CRYBG1: variants seen among roughly 807,000 people sequenced by gnomAD.
The protein encoded by CRYBG1 is crystallin beta-gamma domain containing 1.
CRYBG1 carries 139 observed loss-of-function variants against 189.2 expected under a neutral mutation model. The ratio of observed to expected loss-of-function variants is 0.73; its 90% CI spans 0.64 to 0.85. The LOEUF is 0.85. Among genes scored for constraint, CRYBG1 ranks in the 40% least tolerant of loss-of-function variants. CRYBG1 has a pLI of 0.00. For synonymous variants in CRYBG1, 1,023 were observed against 1,017.1 expected, an observed-to-expected ratio of 1.01 and a Z score of -0.11; for missense variants, 2,611 against 2,675.8, an observed-to-expected ratio of 0.98 and a Z score of 0.53.
intron 1 of CRYBG1, among the ~76,000 whole-genome samples, chr6:106,370,664 G>A (rs9486326): frequency 0.077 from 11,685 of 152,198 alleles, 1,505 homozygotes; most frequent in African/African-American, 0.27. Flanking sequence ...TGAGGATAAG[G>A]AAACTGAAGT....
chr6:106,561,290 T>TG, intron 19 of CRYBG1, 52 bp from the exon 20 acceptor site: 1 of 1,581,026 alleles, frequency 6.3e-7, no homozygotes, highest in East Asian at 2.2e-5. Flanking sequence ...GCTTGTTCAG[T>TG]GCTTCCAGCA....
rs563074354 is a variant in CRYBG1 at position 106,413,576 on chromosome 6, C to G, written c.174-38118C>G. ...CCTGTAATCCCAGCTACCTGGGAGG[C>G]TGAGGCAGGAGAATCACTTGAACCT... On this transcript the variant is annotated intron_variant, in intron 1 of 21. Transcript: ENST00000633556. Among the ~76,000 whole-genome samples, 3 of 152,118 alleles carry G rather than the reference C, an allele frequency of 2.0e-5. No homozygotes were observed. In the East Asian group the frequency reaches 5.8e-4, roughly 29 times the overall value.
chr6:106,450,825 G>A (rs1446860048), intron 1 of CRYBG1, among the ~76,000 whole-genome samples: 1 of 152,126 alleles, frequency 6.6e-6, no homozygotes, highest in Non-Finnish European at 1.5e-5. Flanking sequence ...TTCAGCAGAC[G>A]CCTCTCACAT....
At chr6:106,547,847 A>T (rs1297771599) in intron 13 of CRYBG1, among the ~76,000 whole-genome samples, 1 of 152,130 alleles carries the variant, frequency 6.6e-6, no homozygotes, top group Non-Finnish European at 1.5e-5. Context: ...ACTGCATTTG[A>T]TTCTTACTGG....
chr6:106,539,366 T>C, intron 8 of CRYBG1, 37 bp from the exon 9 acceptor site: 2 of 1,609,390 alleles, frequency 1.2e-6, no homozygotes, highest in Non-Finnish European at 1.7e-6. Flanking sequence ...AAATGATGAG[T>C]CGGCTCCCTT....
At chr6:106,447,171 CA>C (rs1771678389) in intron 1 of CRYBG1, among the ~76,000 whole-genome samples, 1 of 152,040 alleles carries the variant, frequency 6.6e-6, no homozygotes, top group Non-Finnish European at 1.5e-5. Context: ...GTTATTTACC[CA>C]AGAGGTTATT....
intron 2 of CRYBG1, among the ~76,000 whole-genome samples, chr6:106,502,557 G>A (rs752900958): frequency 6.6e-6 from 1 of 152,124 alleles, no homozygotes; most frequent in Admixed American, 6.5e-5. Context: ...AAAAATCGCC[G>A]AATTAGGATA....
intron 2 of CRYBG1, among the ~76,000 whole-genome samples, chr6:106,464,136 C>T (rs889635668): frequency 3.9e-5 from 6 of 152,182 alleles, no homozygotes; most frequent in Non-Finnish European, 7.4e-5. Flanking sequence ...CAACCTGGGT[C>T]TTCTCCGTAG....
intron 2 of CRYBG1, among the ~76,000 whole-genome samples, chr6:106,504,973 A>G (rs930972189): frequency 1.3e-5 from 2 of 152,032 alleles, no homozygotes. Flanking sequence ...ATCATGTCTC[A>G]TAAAAGTCTT....
intron 2 of CRYBG1, among the ~76,000 whole-genome samples, chr6:106,477,428 A>G (rs1369100300): frequency 6.6e-6 from 1 of 152,170 alleles, no homozygotes; most frequent in Non-Finnish European, 1.5e-5. Context: ...TAGTGGGGGA[A>G]AATTCTGCTG....
intron 18 of CRYBG1, among the ~76,000 whole-genome samples, chr6:106,559,554 C>A (rs186007088): frequency 6.6e-6 from 1 of 151,964 alleles, no homozygotes; most frequent in Non-Finnish European, 1.5e-5. Flanking sequence ...GAGGGCAAAG[C>A]GGGTGGATCA....
intron 1 of CRYBG1, among the ~76,000 whole-genome samples, chr6:106,393,525 G>A (rs1770548752): frequency 6.6e-6 from 1 of 152,192 alleles, no homozygotes; most frequent in Non-Finnish European, 1.5e-5. Flanking sequence ...CATGGGCAGG[G>A]ATTGGATGGT....
In CRYBG1 at chr6:106,569,250, G is replaced by T. The variant is rs1218938754; in HGVS notation, c.*684G>T. 2 of 152,064 alleles carry T rather than the reference G, an allele frequency of 1.3e-5. No homozygotes were observed. Among genetic ancestry groups the T allele is most frequent in the Non-Finnish European group, 2.9e-5 (2 of 68,008 alleles). 9.4% of individuals were successfully genotyped at this position (152,064 alleles called of 1,614,324 possible). On this transcript the variant is annotated 3_prime_UTR_variant, in exon 22 of 22. Coordinates refer to ENST00000633556, the MANE Select transcript of CRYBG1 (RefSeq NM_001371242.2). ...AGTAGGATTTGAGTTATTATTTTTT[G>T]AGACAGGATCTCAGGCTGGAGTGCA...
intron 2 of CRYBG1, among the ~76,000 whole-genome samples, chr6:106,510,716 C>A (rs1773237678): frequency 6.6e-6 from 1 of 152,230 alleles, no homozygotes; most frequent in Admixed American, 6.5e-5. Context: ...TACCCCCACG[C>A]ACTCCTCCGT....
chr6:106,510,514 G>T (rs1355646143), intron 2 of CRYBG1, among the ~76,000 whole-genome samples: 1 of 152,226 alleles, frequency 6.6e-6, no homozygotes, highest in East Asian at 1.9e-4. Flanking sequence ...CGGATCATTC[G>T]CAGGCGGCCC....
chr6:106,471,546 G>T (rs1723566477), intron 2 of CRYBG1, among the ~76,000 whole-genome samples: 1 of 152,120 alleles, frequency 6.6e-6, no homozygotes, highest in Non-Finnish European at 1.5e-5. Flanking sequence ...AGAAGTGGCT[G>T]GGGATTAATT....
At chr6:106,503,266 C>T (rs543018293) in intron 2 of CRYBG1, among the ~76,000 whole-genome samples, 11 of 152,230 alleles carry the variant, frequency 7.2e-5, no homozygotes, top group South Asian at 6.2e-4. Flanking sequence ...GAGCCTGGGG[C>T]GCAGACAAGG....
intron 1 of CRYBG1, among the ~76,000 whole-genome samples, chr6:106,406,276 C>T (rs972061367): frequency 1.3e-5 from 2 of 151,812 alleles, no homozygotes; most frequent in African/African-American, 4.8e-5. Context: ...GAAAGGATAT[C>T]AGAGATTGAA....
chr6:106,372,229 G>A (rs1393998678), intron 1 of CRYBG1, among the ~76,000 whole-genome samples: 2 of 152,066 alleles, frequency 1.3e-5, no homozygotes, highest in African/African-American at 4.8e-5. Flanking sequence ...AAAAGTAATT[G>A]AGGTTTTTGT....
Sources: gnomAD v4.1 joint callset for allele counts (sites outside exome capture counted in the v4.1 genomes callset) on GRCh38, gnomAD v4.1.1 for gene constraint, MANE v1.5 for transcripts, NCBI Gene and HGNC (gene_info 2026-07-23, HGNC 2026-07-21) for gene names.